Variants in SMG1 observed in about 807,000 individuals in gnomAD.
The protein encoded by SMG1 is SMG1 nonsense mediated mRNA decay associated PI3K related kinase.
In SMG1, 22 loss-of-function variants were observed where a neutral mutation model predicts 419.9. The ratio of observed to expected loss-of-function variants is 0.05; its 90% CI spans 0.04 to 0.07. The LOEUF (loss-of-function observed/expected upper bound fraction) is 0.07. Ranked by LOEUF, SMG1 falls within the 10% of genes least tolerant of loss-of-function variation. The probability of loss-of-function intolerance (pLI) is 1.00; values close to 1 mark genes in which losing one functional copy is unlikely to be tolerated. For synonymous variants in SMG1, 1,538 were observed against 1,553.5 expected (o/e 0.99, Z 0.23); for missense variants, 3,185 against 4,342.0 (o/e 0.73, Z 7.49).
intron 1 of SMG1, among the ~76,000 whole-genome samples, chr16:18,906,979 G>T (rs1433704236): frequency 1.3e-5 from 2 of 152,212 alleles, no homozygotes; most frequent in Non-Finnish European, 2.9e-5. Context: ...TCGGCTGAGT[G>T]AAACTCCTTT....
chr16:18,880,188 T>C (rs957090133), intron 10 of SMG1, among the ~76,000 whole-genome samples: 9 of 152,236 alleles, frequency 5.9e-5, no homozygotes, highest in Admixed American at 1.3e-4. Flanking sequence ...TGATGGTCTC[T>C]TTTGAAAGAT....
At chr16:18,901,013 G>C (rs1419833538) in intron 1 of SMG1, among the ~76,000 whole-genome samples, 6 of 152,110 alleles carry the variant, frequency 3.9e-5, no homozygotes, top group African/African-American at 9.7e-5. Flanking sequence ...ATTAATTTGA[G>C]AGGCTCAGGG....
chr16:18,918,327 T>A (rs371953339), intron 1 of SMG1, among the ~76,000 whole-genome samples: 1 of 152,178 alleles, frequency 6.6e-6, no homozygotes, highest in South Asian at 2.1e-4. Flanking sequence ...AGGCCTACAA[T>A]AGGGTTCCCA....
intron 46 of SMG1, among the ~76,000 whole-genome samples, chr16:18,836,977 C>T (rs1407247803): frequency 6.6e-6 from 1 of 152,066 alleles, no homozygotes; most frequent in Non-Finnish European, 1.5e-5. Flanking sequence ...AATGAGAAAA[C>T]CAAAACCCAG....
At position 18,832,994 on chromosome 16, in the gene SMG1, T is replaced by C. The variant is rs776523462; in HGVS notation, c.8738A>G (p.Asn2913Ser). 6.2e-7 allele frequency: 1 copy of C among 1,613,976 alleles called. No homozygotes were observed. Residue 2913 changes from asparagine (N) to serine (S), a missense_variant, in exon 51 of 63, where the codon AAC becomes AGC. Physicochemically the swap from Asn to Ser is conservative, Grantham distance 46. This residue lies in a region of SMG1 where 737 missense variants were observed against 846.6 expected (regional missense o/e 0.87). Coordinates refer to ENST00000446231, the MANE Select transcript of SMG1 (RefSeq NM_015092.5). ...LVESLQAYLR[N>S]AAMGLEEETH... ...TTCTTCTTCCAGTCCCATAGCTGCG[T>C]TTCTTAAGTAGGCCTGAAGAGATTC...
chr16:18,912,312 A>G (rs1012279698), intron 1 of SMG1, among the ~76,000 whole-genome samples: 4 of 151,980 alleles, frequency 2.6e-5, no homozygotes, highest in South Asian at 2.1e-4. Context: ...GAAGACAGAG[A>G]TAACAATAGC....
intron 13 of SMG1, among the ~76,000 whole-genome samples, chr16:18,873,404 T>G (rs940475685): frequency 6.6e-6 from 1 of 152,044 alleles, no homozygotes; most frequent in Non-Finnish European, 1.5e-5. Context: ...ATTTTTTTAG[T>G]AGAGATAGAG....
Position 18,882,176 on chromosome 16 carries a change from A to G in SMG1, c.1282T>C (p.Tyr428His). Residue 428 changes from tyrosine (Y) to histidine (H), a missense_variant, in exon 10 of 63, where the codon TAT (tyrosine) becomes CAT (histidine). Coordinates refer to ENST00000446231, the MANE Select transcript of SMG1 (RefSeq NM_015092.5). ...PIRGPPITEA[Y>H]VTDVLYRVMR... ...CCAAAAGCACTTACATCTGTTACAT[A>G]TGCCTCAGTAATTGGAGGACCCCGA... The G allele has an allele frequency of 6.3e-7, 1 of 1,580,210 alleles. No individual in the cohort carries two copies. Among genetic ancestry groups the G allele is most frequent in the Non-Finnish European group, 8.6e-7 (1 of 1,165,378 alleles).
In SMG1 at chr16:18,811,091, T is replaced by C. The variant is rs141649022; in HGVS notation, c.10908+670A>G. Among the ~76,000 whole-genome samples the C allele has an allele frequency of 8.1e-3, 1,226 of 152,274 alleles. 22 individuals are homozygous for C. Among genetic ancestry groups the C allele is most frequent in the African/African-American group, 0.028 (1,162 of 41,522 alleles). Reference sequence around the variant, plus strand: ...CCCAAAGATGCTTTACAAACATAGGTTGAGTATCCCTTATCCAAAATGCTT... The same window carrying C: ...CCCAAAGATGCTTTACAAACATAGGCTGAGTATCCCTTATCCAAAATGCTT... On this transcript the variant is annotated intron_variant, in intron 62 of 62. Coordinates refer to ENST00000446231, the MANE Select transcript of SMG1 (RefSeq NM_015092.5).
intron 6 of SMG1, among the ~76,000 whole-genome samples, chr16:18,885,910 C>T (rs1020377261): frequency 3.3e-5 from 5 of 152,056 alleles, no homozygotes; most frequent in African/African-American, 1.2e-4. Context: ...TGCACTGCTG[C>T]ACTCCAGCCT....
chr16:18,830,167 A>T (rs773320541), intron 52 of SMG1, 52 bp from the exon 53 acceptor site: 2 of 1,609,048 alleles, frequency 1.2e-6, no homozygotes, highest in Non-Finnish European at 8.5e-7. Context: ...GACACAACTG[A>T]ACAACTACTT....
chr16:18,904,161 TCTC>T (rs1225115443), intron 1 of SMG1, among the ~76,000 whole-genome samples: 2 of 149,910 alleles, frequency 1.3e-5, no homozygotes, highest in East Asian at 2.0e-4. Context: ...ATGGTCTCGA[TCTC>T]CTGATCTCGT....
At position 18,887,516 on chromosome 16, in the gene SMG1, CT is replaced by C. The variant is rs574179061; in HGVS notation, c.823-1851del. The stretch of plus-strand genomic sequence containing the variant: ...ACCACGCCCGACTTATTTTTTTTTC[CT>C]TTTTTTTTTTTTTTTTAATAGAAAC... On this transcript the variant is annotated intron_variant, in intron 6 of 62. Coordinates refer to ENST00000446231, the MANE Select transcript of SMG1 (RefSeq NM_015092.5). Among the ~76,000 whole-genome samples, 1,012 of 110,102 alleles carry C rather than the reference CT, an allele frequency of 9.2e-3. 29 individuals are homozygous for C. Among genetic ancestry groups the C allele is most frequent in the African/African-American group, 0.029 (834 of 29,012 alleles). The allele number at this position is 110,102 out of a possible 152,430, so 72.2% of individuals were successfully genotyped here.
Position 18,872,359 on chromosome 16 carries a change from C to T in SMG1, c.2022-14G>A, listed in dbSNP as rs2035866545. Reference sequence around the variant, plus strand: ...AAGTGATCATGCCTGAAAGACAAAGCACAGATTATCTTTTCATCTTTAATC... The same window carrying T: ...AAGTGATCATGCCTGAAAGACAAAGTACAGATTATCTTTTCATCTTTAATC... On this transcript the variant is annotated splice_polypyrimidine_tract_variant and intron_variant, in intron 14 of 62. Transcript: ENST00000446231. 6.4e-7 allele frequency: 1 copy of T among 1,552,852 alleles called. No homozygotes were observed. Among genetic ancestry groups the T allele is most frequent in the Non-Finnish European group, 8.7e-7 (1 of 1,154,724 alleles).
At chr16:18,857,388 C>A (rs183548708) in intron 29 of SMG1, 1 of 152,090 alleles carries the variant, frequency 6.6e-6, no homozygotes, top group Non-Finnish European at 1.5e-5. Context: ...ATATTCATAG[C>A]GCATTTTACG....
At chr16:18,856,329 ATTTTTTT>A (rs11365913) in intron 29 of SMG1, 11,182 of 84,938 alleles carry the variant, frequency 0.13, 566 homozygotes, top group Middle Eastern at 0.25. Context: ...CACCCAGGTG[ATTTTTTT>A]TTTTTTTTTT....
chr16:18,849,104 A>AAAAAAAAAAAAAAAAC lies in SMG1; in HGVS notation c.5623+112_5623+113insGTTTTTTTTTTTTTTT, dbSNP rs1555493199. 1.2e-5 allele frequency: 3 copies of AAAAAAAAAAAAAAAAC among 260,670 alleles called. 1 individual carries two copies. Among genetic ancestry groups the AAAAAAAAAAAAAAAAC allele is most frequent in the Non-Finnish European group, 2.0e-5 (3 of 147,924 alleles). 16.1% of individuals were successfully genotyped at this position (260,670 alleles called of 1,614,324 possible). ...AAAAAAAAAAAAAAAAAAAAAAAAA[A>AAAAAAAAAAAAAAAAC]AACCCTACAAACTCTAACAACTCTG... is the stretch of plus-strand genomic sequence containing the variant. On this transcript the variant is annotated intron_variant, in intron 36 of 62. Coordinates refer to ENST00000446231, the MANE Select transcript of SMG1 (RefSeq NM_015092.5).
intron 29 of SMG1, chr16:18,856,329 A>ATTTT: frequency 1.2e-5 from 1 of 84,666 alleles, no homozygotes; most frequent in South Asian, 4.3e-4. Context: ...CACCCAGGTG[A>ATTTT]TTTTTTTTTT....
In SMG1 at chr16:18,868,664, C is replaced by T; in HGVS notation, c.2889G>A (p.Gln963=). The change falls in exon 21 of 63, where the codon CAG becomes CAA. Residue 963 remains glutamine (Q), a synonymous_variant. Coordinates refer to ENST00000446231, the MANE Select transcript of SMG1 (RefSeq NM_015092.5). ...HTLNPDQDVS[Q]WTTADNDEGH... ...CTTCATCATTGTCTGCAGTTGTCCACTGACTAACATCCTGATCAGGGTTTA... is the reference window on the plus strand; with the variant it reads ...CTTCATCATTGTCTGCAGTTGTCCATTGACTAACATCCTGATCAGGGTTTA... 6.4e-7 allele frequency: 1 copy of T among 1,551,708 alleles called. No individual in the cohort carries two copies. The highest frequency in any genetic ancestry group is 8.8e-7 in the Non-Finnish European group (1 of 1,138,606).
Sources: gnomAD v4.1 joint callset for allele counts (sites outside exome capture counted in the v4.1 genomes callset) on GRCh38, gnomAD v4.1.1 for gene constraint, gnomAD v4.1.1 regional missense constraint, MANE v1.5 for transcripts, NCBI Gene and HGNC (gene_info 2026-07-23, HGNC 2026-07-21) for gene names.